The following ARMC9 variants were observed in gnomAD, a reference collection of about 807,000 sequenced individuals.
ARMC9 encodes armadillo repeat containing 9.
ARMC9 carries 94 observed loss-of-function variants against 107.0 expected under a neutral mutation model. The ratio of observed to expected loss-of-function variants is 0.88; its 90% CI spans 0.74 to 1.04. The LOEUF is 1.04. Among genes scored for constraint, ARMC9 ranks in the 50% least tolerant of loss-of-function variants. The pLI, the probability that ARMC9 is intolerant of heterozygous loss-of-function variation, is 0.00. For synonymous variants in ARMC9, 380 were observed against 396.9 expected (o/e 0.96, Z 0.51); for missense variants, 942 against 1,030.1 (o/e 0.91, Z 1.17).
intron 22 of ARMC9, among the ~76,000 whole-genome samples, chr2:231,357,846 C>T (rs1422592570): frequency 6.6e-6 from 1 of 152,200 alleles, no homozygotes; most frequent in Non-Finnish European, 1.5e-5. Flanking sequence ...ACTGGGATTA[C>T]AGGCGTGAGC....
At chr2:231,323,632 A>G (rs1401518911) in intron 19 of ARMC9, among the ~76,000 whole-genome samples, 1 of 152,162 alleles carries the variant, frequency 6.6e-6, no homozygotes, top group Non-Finnish European at 1.5e-5. Context: ...ACTTGTTTAT[A>G]TCTACACAGT....
intron 3 of ARMC9, among the ~76,000 whole-genome samples, chr2:231,213,516 G>T (rs1335918697): frequency 3.4e-5 from 5 of 144,998 alleles, no homozygotes; most frequent in African/African-American, 1.3e-4. Context: ...TCGCTCTGTT[G>T]CCCAGGCTGG....
intron 19 of ARMC9, among the ~76,000 whole-genome samples, chr2:231,313,920 T>C (rs1204360939): frequency 6.7e-6 from 1 of 148,378 alleles, no homozygotes; most frequent in Non-Finnish European, 1.5e-5. Flanking sequence ...CACTTCTGCC[T>C]AATTTTTTTT....
intron 3 of ARMC9, among the ~76,000 whole-genome samples, chr2:231,212,669 G>A (rs2033033742): frequency 6.6e-6 from 1 of 152,200 alleles, no homozygotes; most frequent in African/African-American, 2.4e-5. Context: ...ACTGCCCCTG[G>A]GAGGATCCCT....
intron 23 of ARMC9, among the ~76,000 whole-genome samples, chr2:231,364,623 C>T (rs2045734734): frequency 1.3e-5 from 2 of 152,028 alleles, no homozygotes; most frequent in Non-Finnish European, 2.9e-5. Flanking sequence ...CATGGTGAAA[C>T]CCTGTCTTTA....
rs1313726056 is a variant in ARMC9, at chr2:231,372,357, A to C, written c.*822A>C. ...GCACTCTAGCCTGGGTGACAGAGCGAGACTCCGTCCCCAAAAAAAAAATTC... is the reference window on the plus strand; with the variant it reads ...GCACTCTAGCCTGGGTGACAGAGCGCGACTCCGTCCCCAAAAAAAAAATTC... On this transcript the variant is annotated 3_prime_UTR_variant, in exon 25 of 25. Transcript: ENST00000611582. 1 of 152,278 alleles carries C rather than the reference A, an allele frequency of 6.6e-6. No individual in the cohort carries two copies. The highest frequency in any genetic ancestry group is 1.5e-5 in the Non-Finnish European group (1 of 68,112). The allele number at this position is 152,278 out of a possible 1,614,324, so 9.4% of individuals were successfully genotyped here. A position where few individuals can be genotyped will look rare whatever the true frequency, so the allele number is the denominator to read the frequency against.
chr2:231,282,070 T>A lies in ARMC9; in HGVS notation c.1563T>A (p.Tyr521Ter). The change falls in exon 17 of 25, where the codon TAT (tyrosine) becomes TAA (stop). Residue 521 changes from tyrosine to a stop codon, truncating the protein, a stop_gained. Coordinates refer to ENST00000611582, the MANE Select transcript of ARMC9 (RefSeq NM_001352754.2). LOFTEE classifies it high-confidence loss of function. ...LGHENHEIQP[Y>*]VNGALYSILS... is the part of the protein sequence containing the mutation. The stretch of plus-strand genomic sequence containing the variant: ...TCCTCCCCTTAAAGATACAGCCGTA[T>A]GTGAATGGAGCTCTGTACAGCATCC... The A allele has an allele frequency of 6.2e-7, 1 of 1,614,110 alleles. No homozygotes were observed. The highest frequency in any genetic ancestry group is 8.5e-7 in the Non-Finnish European group (1 of 1,179,970).
chr2:231,248,166 C>CT (rs2125388172), intron 9 of ARMC9, among the ~76,000 whole-genome samples: 1 of 152,312 alleles, frequency 6.6e-6, no homozygotes, highest in East Asian at 1.9e-4. Context: ...TGGGAAGCGT[C>CT]TGAGGTTTTT....
chr2:231,240,394 TC>T (rs1559337764), intron 9 of ARMC9, among the ~76,000 whole-genome samples: 1 of 152,134 alleles, frequency 6.6e-6, no homozygotes, highest in African/African-American at 2.4e-5. Flanking sequence ...ACACTTTTTT[TC>T]CCCCTAACTT....
intron 9 of ARMC9, among the ~76,000 whole-genome samples, chr2:231,251,605 GA>G (rs2037306007): frequency 6.6e-6 from 1 of 152,240 alleles, no homozygotes; most frequent in Non-Finnish European, 1.5e-5. Flanking sequence ...AGTGCTCTGA[GA>G]AGGGCATTTG....
chr2:231,340,312 C>T (rs1482397405), intron 20 of ARMC9, among the ~76,000 whole-genome samples: 2 of 152,082 alleles, frequency 1.3e-5, no homozygotes, highest in Admixed American at 1.3e-4. Flanking sequence ...GAGTTTTTAT[C>T]GCTTGTTTTC....
Position 231,283,950 on chromosome 2 carries a change from T to C in ARMC9, c.1626+1817T>C, listed in dbSNP as rs540885683. On this transcript the variant is annotated intron_variant, in intron 17 of 24. Transcript: ENST00000611582. ...CATGTTGCCCAAGCTGGTCTCAAAC[T>C]ACTAGGCTCACGTGATCCTCCCATC... is the stretch of plus-strand genomic sequence containing the variant. Among the ~76,000 whole-genome samples the C allele has an allele frequency of 7.1e-4, 108 of 152,292 alleles. 1 individual carries two copies. Among genetic ancestry groups the C allele is most frequent in the Non-Finnish European group, 1.4e-3 (94 of 68,022 alleles).
chr2:231,272,384 G>A (rs2039410028), intron 13 of ARMC9, among the ~76,000 whole-genome samples: 1 of 152,000 alleles, frequency 6.6e-6, no homozygotes, highest in African/African-American at 2.4e-5. Flanking sequence ...TTATAGAGAT[G>A]AGGTTACGCC....
chr2:231,319,632 T>C (rs2042891795), intron 19 of ARMC9, among the ~76,000 whole-genome samples: 1 of 152,180 alleles, frequency 6.6e-6, no homozygotes, highest in African/African-American at 2.4e-5. Context: ...ACACTGTGGC[T>C]CATCGTTCTG....
Position 231,312,910 on chromosome 2 carries a change from T to C in ARMC9, c.1773+16657T>C, listed in dbSNP as rs898715982. On this transcript the variant is annotated intron_variant, in intron 19 of 24. Transcript: ENST00000611582. Reference sequence around the variant, plus strand: ...GGCTTGCTTTTTTGTTTCCTCCTAGTTCTCCCGAGTGGATCAAGCTCTGGG... The same window carrying C: ...GGCTTGCTTTTTTGTTTCCTCCTAGCTCTCCCGAGTGGATCAAGCTCTGGG... 5.3e-5 allele frequency among the ~76,000 whole-genome samples: 8 copies of C among 152,304 alleles called. No homozygotes were observed. In the South Asian group the frequency reaches 1.7e-3, roughly 32 times the overall value.
chr2:231,226,896 G>C, intron 7 of ARMC9, 98 bp downstream of exon 7: 2 of 1,399,930 alleles, frequency 1.4e-6, no homozygotes, highest in South Asian at 2.4e-5. Context: ...TCATGATTTT[G>C]GCTTTAAGAG....
At chr2:231,222,257 G>T (rs944759528) in intron 5 of ARMC9, among the ~76,000 whole-genome samples, 1 of 152,164 alleles carries the variant, frequency 6.6e-6, no homozygotes, top group African/African-American at 2.4e-5. Flanking sequence ...ACATGGTGGG[G>T]TATTTGTGGC....
intron 3 of ARMC9, 41 bp downstream of exon 3, chr2:231,208,293 G>T (rs1269030153): frequency 6.7e-7 from 1 of 1,500,484 alleles, no homozygotes; most frequent in East Asian, 2.3e-5. Flanking sequence ...GATAATTCAG[G>T]ATGCTCCCAA....
intron 9 of ARMC9, among the ~76,000 whole-genome samples, chr2:231,249,111 G>A (rs1559349977): frequency 6.6e-6 from 1 of 152,154 alleles, no homozygotes; most frequent in Non-Finnish European, 1.5e-5. Context: ...CTCTCCTGGG[G>A]TCTGGCCCCC....
Sources: gnomAD v4.1 joint callset for allele counts (sites outside exome capture counted in the v4.1 genomes callset) on GRCh38, gnomAD v4.1.1 for gene constraint, MANE v1.5 for transcripts, NCBI Gene and HGNC (gene_info 2026-07-23, HGNC 2026-07-21) for gene names.